The following POGZ variants were observed in gnomAD, a reference collection of about 807,000 sequenced individuals.
POGZ encodes the protein pogo transposable element derived with ZNF domain, also known as pogo transposable element with ZNF domain.
POGZ carries 17 observed loss-of-function variants against 134.6 expected under a neutral mutation model. That is an observed-to-expected ratio of 0.13 (90% CI 0.09 to 0.19). The LOEUF (loss-of-function observed/expected upper bound fraction) is 0.19. Among genes scored for constraint, POGZ ranks in the 10% least tolerant of loss-of-function variants. The pLI is 1.00. For synonymous variants in POGZ, 693 were observed against 657.1 expected (o/e 1.05, Z -0.84); for missense variants, 1,306 against 1,769.7 (o/e 0.74, Z 4.70).
intron 3 of POGZ, among the ~76,000 whole-genome samples, chr1:151,436,419 T>C (rs535739026): frequency 1.3e-5 from 2 of 152,144 alleles, no homozygotes; most frequent in Non-Finnish European, 2.9e-5. Context: ...TCATATAATA[T>C]GTGACCTTTT....
In POGZ at chr1:151,408,739, G is replaced by A. The variant is rs958017826; in HGVS notation, c.2016C>T (p.Thr672=). ...KIEHKLQHHK[T]FRKPKQLEGL... The stretch of plus-strand genomic sequence containing the variant: ...CCTCCAGCTGCTTGGGTTTACGGAA[G>A]GTTTTATGGTGTTGAAGCTTGTGTT... Residue 672 remains threonine, a synonymous_variant, in exon 13 of 19, where the codon ACC becomes ACT. Coordinates refer to ENST00000271715, the MANE Select transcript of POGZ (RefSeq NM_015100.4). 1.9e-6 allele frequency: 3 copies of A among 1,613,916 alleles called. No homozygotes were observed. Among genetic ancestry groups the A allele is most frequent in the African/African-American group, 2.7e-5 (2 of 74,866 alleles).
rs748509989 is a variant in POGZ at position 151,423,530 on chromosome 1, G to C, written c.1545C>G (p.His515Gln). Residue 515 changes from histidine to glutamine, a missense_variant, in exon 10 of 19, where the codon CAC (histidine) becomes CAG (glutamine). His to Gln is a conservative substitution (Grantham distance 24). Transcript: ENST00000271715. Reference protein sequence around the residue: ...NNIRFMNHMKHHVELDQQNGE... With the variant: ...NNIRFMNHMKQHVELDQQNGE... The stretch of plus-strand genomic sequence containing the variant: ...CGTTCTGCTGATCGAGTTCTACGTG[G>C]TGTTTCATATGGTTCATGAATCTGT... The C allele has an allele frequency of 6.2e-7, 1 of 1,613,410 alleles. No individual in the cohort carries two copies. Among genetic ancestry groups the C allele is most frequent in the African/African-American group, 1.3e-5 (1 of 74,906 alleles).
intron 10 of POGZ, among the ~76,000 whole-genome samples, chr1:151,414,808 G>T (rs1172576186): frequency 6.6e-6 from 1 of 152,114 alleles, no homozygotes; most frequent in Non-Finnish European, 1.5e-5. Context: ...GATTTACATT[G>T]TGTTATCTCA....
chr1:151,432,456 T>C (rs1658855859), intron 3 of POGZ, among the ~76,000 whole-genome samples: 2 of 152,194 alleles, frequency 1.3e-5, no homozygotes, highest in African/African-American at 2.4e-5. Flanking sequence ...AGACCAGTGA[T>C]TGTAGAGGCA....
chr1:151,449,731 T>C (rs904947551), intron 1 of POGZ, among the ~76,000 whole-genome samples: 2 of 151,798 alleles, frequency 1.3e-5, no homozygotes, highest in Non-Finnish European at 2.9e-5. Context: ...CCCGTCTCTA[T>C]TAAAAATACA....
intron 1 of POGZ, among the ~76,000 whole-genome samples, chr1:151,448,414 C>A (rs1165948962): frequency 6.6e-6 from 1 of 151,922 alleles, no homozygotes; most frequent in Non-Finnish European, 1.5e-5. Context: ...GAGTTCGAGA[C>A]CAGCTTGTGC....
rs1293377724 is a variant in POGZ at position 151,408,525 on chromosome 1, A to G, written c.2118T>C (p.Asp706=). ...QPRTVPVSSN[D]TPPSALQEAA... is the part of the protein sequence containing the mutation. ...CCTCCTGCAAGGCGCTGGGAGGTGTATCATTAGAGGATACAGGAACAGTTC... is the reference window on the plus strand; with the variant it reads ...CCTCCTGCAAGGCGCTGGGAGGTGTGTCATTAGAGGATACAGGAACAGTTC... The change falls in exon 14 of 19, where the codon GAT becomes GAC. Residue 706 remains aspartate (D), a synonymous_variant. Transcript: ENST00000271715. 6.3e-7 allele frequency: 1 copy of G among 1,599,096 alleles called. No homozygotes were observed. Among genetic ancestry groups the G allele is most frequent in the African/African-American group, 1.4e-5 (1 of 73,756 alleles).
chr1:151,441,150 C>A, intron 2 of POGZ, 64 bp from the exon 3 acceptor site: 1 of 1,312,606 alleles, frequency 7.6e-7, no homozygotes, highest in South Asian at 1.4e-5. Flanking sequence ...GGATACTGCT[C>A]TAATCTTCCC....
At chr1:151,457,783 C>T (rs1662948558) in intron 1 of POGZ, among the ~76,000 whole-genome samples, 2 of 152,166 alleles carry the variant, frequency 1.3e-5, no homozygotes, top group South Asian at 4.1e-4. Context: ...AAAAATTAGC[C>T]GGGCGTGGTA....
At position 151,428,139 on chromosome 1, in the gene POGZ, G is replaced by A. The variant is rs2102295062; in HGVS notation, c.843C>T (p.Thr281=). 1.2e-6 allele frequency: 2 copies of A among 1,614,118 alleles called. No individual in the cohort carries two copies. The highest frequency in any genetic ancestry group is 1.7e-6 in the Non-Finnish European group (2 of 1,179,992). Residue 281 remains threonine, a synonymous_variant, in exon 6 of 19, where the codon ACC becomes ACT. Coordinates refer to ENST00000271715, the MANE Select transcript of POGZ (RefSeq NM_015100.4). The part of the protein sequence containing the change: ...AVQSPGQSNQ[T]TNPKLAPSFP... ...AAGCCTTACCTAGCTTGGGATTCGT[G>A]GTCTGGTTTGACTGGCCTGGAGACT...
intron 7 of POGZ, 22 bp downstream of exon 7, chr1:151,427,801 A>C (rs752755877): frequency 2.0e-6 from 3 of 1,476,210 alleles, no homozygotes; most frequent in Non-Finnish European, 2.8e-6. Flanking sequence ...CTGGCTGCTC[A>C]GAGTCTTTCA....
At chr1:151,411,472 C>A (rs1004297934) in intron 12 of POGZ, among the ~76,000 whole-genome samples, 153 bp downstream of exon 12, 2 of 152,040 alleles carry the variant, frequency 1.3e-5, no homozygotes, top group African/African-American at 2.4e-5. Context: ...TAGACTAGTA[C>A]ATGGCACATT....
chr1:151,431,007 C>T (rs1192345808), intron 3 of POGZ, among the ~76,000 whole-genome samples, 166 bp from the exon 4 acceptor site: 1 of 151,986 alleles, frequency 6.6e-6, no homozygotes, highest in Non-Finnish European at 1.5e-5. Flanking sequence ...ACAGTCACGG[C>T]TCACTGCAGC....
chr1:151,451,049 T>C (rs898775443), intron 1 of POGZ: 1 of 149,286 alleles, frequency 6.7e-6, no homozygotes, highest in Non-Finnish European at 1.5e-5. Flanking sequence ...ACCCCGTCTC[T>C]ACTAAAAAAA....
intron 10 of POGZ, 31 bp from the exon 11 acceptor site, chr1:151,412,427 C>T (rs1654833290): frequency 8.0e-7 from 1 of 1,245,394 alleles, no homozygotes; most frequent in Non-Finnish European, 1.2e-6. Flanking sequence ...AATAAATCCA[C>T]TTGAAAATAA....
At chr1:151,455,064 G>A (rs540602035) in intron 1 of POGZ, 1 of 150,350 alleles carries the variant, frequency 6.7e-6, no homozygotes, top group Admixed American at 6.7e-5. Context: ...CCGAGATTGC[G>A]CCATTACGCT....
rs1557950605 is a variant in POGZ at position 151,449,666 on chromosome 1, G to A, written c.-1-7461C>T. Reference sequence around the variant, plus strand: ...AATCCCAGCACTTTGGGAGGCCGAGGTGGGCGGATCACGAGGTCAGGAGAT... The same window carrying A: ...AATCCCAGCACTTTGGGAGGCCGAGATGGGCGGATCACGAGGTCAGGAGAT... On this transcript the variant is annotated intron_variant, in intron 1 of 18. Transcript: ENST00000271715. Among the ~76,000 whole-genome samples, 4 of 152,318 alleles carry A rather than the reference G, an allele frequency of 2.6e-5. No homozygotes were observed. The South Asian group carries it at 6.2e-4, about 24-fold the overall frequency.
chr1:151,455,894 C>CT (rs768038263), intron 1 of POGZ, among the ~76,000 whole-genome samples: 9,929 of 117,386 alleles, frequency 0.085, 876 homozygotes, highest in East Asian at 0.48. Flanking sequence ...TAGTTTCTTT[C>CT]TTTTTTTTTT....
intron 10 of POGZ, among the ~76,000 whole-genome samples, chr1:151,414,234 G>A (rs1365896561): frequency 2.0e-5 from 3 of 152,224 alleles, no homozygotes; most frequent in East Asian, 3.9e-4. Context: ...TTGGGAAACA[G>A]TTAACTAGCA....
Sources: gnomAD v4.1 joint callset for allele counts (sites outside exome capture counted in the v4.1 genomes callset) on GRCh38, gnomAD v4.1.1 for gene constraint, MANE v1.5 for transcripts, NCBI Gene and HGNC (gene_info 2026-07-23, HGNC 2026-07-21) for gene names.